Variants in PLA2G4A observed in about 807,000 individuals in gnomAD.
PLA2G4A encodes phospholipase A2 group IVA, also known as cytosolic phospholipase A2.
Under a neutral mutation model 81.9 loss-of-function variants are expected in PLA2G4A, and 40 were observed. The observed-to-expected ratio is 0.49, with a 90% CI of 0.38 to 0.64. The LOEUF is 0.64. Among genes scored for constraint, PLA2G4A ranks in the 30% least tolerant of loss-of-function variants. The probability of loss-of-function intolerance (pLI) is 0.00; values close to 1 mark genes in which losing one functional copy is unlikely to be tolerated. For missense variants in PLA2G4A, 715 were observed against 905.1 expected (o/e 0.79, Z 2.69); for synonymous variants, 302 against 296.9 (o/e 1.02, Z -0.18).
intron 7 of PLA2G4A, among the ~76,000 whole-genome samples, chr1:186,912,212 C>A (rs1654969314): frequency 6.6e-6 from 1 of 152,136 alleles, no homozygotes; most frequent in Admixed American, 6.5e-5. Context: ...TTAGTCTGGT[C>A]AGGCTAATAA....
At chr1:186,911,444 C>T in intron 7 of PLA2G4A, 55 bp downstream of exon 7, 1 of 1,285,016 alleles carries the variant, frequency 7.8e-7, no homozygotes, top group Non-Finnish European at 1.1e-6. Flanking sequence ...TTAGCTTGGA[C>T]AATTTCCCCA....
At chr1:186,893,223 T>C in intron 4 of PLA2G4A, 64 bp downstream of exon 4, 1 of 1,419,202 alleles carries the variant, frequency 7.0e-7, no homozygotes. Flanking sequence ...TGCTTGAGTT[T>C]GTCCTTTTAC....
intron 8 of PLA2G4A, among the ~76,000 whole-genome samples, chr1:186,936,468 C>T (rs567141637): frequency 2.2e-4 from 33 of 151,932 alleles, no homozygotes; most frequent in East Asian, 7.7e-4. Flanking sequence ...TAAGTGACTG[C>T]GTTTTATGGG....
chr1:186,938,243 C>T lies in PLA2G4A; in HGVS notation c.696-765C>T, dbSNP rs149754657. ...AAGTAAACGAGTAATTAATAGTCAG[C>T]ATGAGATCTACCATACTAGAGGTAT... On this transcript the variant is annotated intron_variant, in intron 8 of 17. Transcript: ENST00000367466. Among the ~76,000 whole-genome samples the T allele has an allele frequency of 1.6e-4, 24 of 151,968 alleles. No individual in the cohort carries two copies. The East Asian group carries it at 4.5e-3, about 28-fold the overall frequency.
At chr1:186,940,910 C>G (rs1479587585) in intron 10 of PLA2G4A, among the ~76,000 whole-genome samples, 1 of 152,016 alleles carries the variant, frequency 6.6e-6, no homozygotes, top group Non-Finnish European at 1.5e-5. Flanking sequence ...GGTTGATGAA[C>G]CAATGCCTCA....
intron 4 of PLA2G4A, among the ~76,000 whole-genome samples, chr1:186,893,726 C>T (rs992316968): frequency 1.3e-5 from 2 of 152,012 alleles, no homozygotes; most frequent in Non-Finnish European, 2.9e-5. Flanking sequence ...GAGCTCGAGA[C>T]CAGCCTGGCC....
At chr1:186,919,317 A>T (rs1655260493) in intron 7 of PLA2G4A, among the ~76,000 whole-genome samples, 1 of 152,178 alleles carries the variant, frequency 6.6e-6, no homozygotes, top group Non-Finnish European at 1.5e-5. Flanking sequence ...TAGGCTACAG[A>T]TGACCTGCTT....
At chr1:186,902,887 AAAAAAAG>A (rs1450776720) in intron 5 of PLA2G4A, among the ~76,000 whole-genome samples, 76 of 151,870 alleles carry the variant, frequency 5.0e-4, no homozygotes, top group Admixed American at 2.2e-3. Flanking sequence ...CTCAAAAAAA[AAAAAAAG>A]AAAAAAGAAA....
rs892336472 is a variant in PLA2G4A at position 186,870,463 on chromosome 1, C to A, written c.62C>A (p.Thr21Lys). 1 of 1,609,192 alleles carries A rather than the reference C, an allele frequency of 6.2e-7. No individual in the cohort carries two copies. The highest frequency in any genetic ancestry group is 1.3e-5 in the African/African-American group (1 of 74,814). ...GAGCACCAGTATTCCCACAAGTTTA[C>A]GGTAGTGGTGTTACGTGCCACCAAA... ...IVEHQYSHKF[T>K]VVVLRATKVT... Residue 21 changes from threonine to lysine, a missense_variant, in exon 3 of 18, where the codon ACG (threonine) becomes AAG (lysine). Transcript: ENST00000367466.
At chr1:186,887,770 A>G (rs1400247961) in intron 3 of PLA2G4A, among the ~76,000 whole-genome samples, 1 of 152,180 alleles carries the variant, frequency 6.6e-6, no homozygotes. Context: ...TCTCTAAAGT[A>G]TTGGGCTGTG....
chr1:186,853,716 A>G (rs1652456754), intron 1 of PLA2G4A, among the ~76,000 whole-genome samples: 1 of 151,878 alleles, frequency 6.6e-6, no homozygotes, highest in African/African-American at 2.4e-5. Flanking sequence ...AAAGGAAAGT[A>G]TAGAGAGTAT....
intron 2 of PLA2G4A, among the ~76,000 whole-genome samples, chr1:186,867,211 T>C (rs1280895590): frequency 6.6e-6 from 1 of 152,156 alleles, no homozygotes; most frequent in Non-Finnish European, 1.5e-5. Flanking sequence ...TTCATATGAA[T>C]TTTAGAATCA....
chr1:186,985,265 C>T (rs1255480202), intron 17 of PLA2G4A, among the ~76,000 whole-genome samples: 3 of 152,234 alleles, frequency 2.0e-5, no homozygotes, highest in African/African-American at 7.2e-5. Context: ...CTGAATGCTG[C>T]CCTGTGTCAA....
Position 186,941,730 on chromosome 1 carries a change from C to T in PLA2G4A, c.1033+1636C>T, listed in dbSNP as rs574103914. Among the ~76,000 whole-genome samples the T allele has an allele frequency of 5.9e-4, 90 of 152,210 alleles. 1 individual carries two copies. The highest frequency in any genetic ancestry group is 2.1e-3 in the African/African-American group (88 of 41,538). ...GGCGCTAAGGATGAATTCCTCTTTC[C>T]TCACCACAATATATTGTCCCTACCC... is the stretch of plus-strand genomic sequence containing the variant. On this transcript the variant is annotated intron_variant, in intron 10 of 17. Coordinates refer to ENST00000367466, the MANE Select transcript of PLA2G4A (RefSeq NM_024420.3).
intron 5 of PLA2G4A, among the ~76,000 whole-genome samples, chr1:186,895,794 T>G (rs189140492): frequency 1.6e-4 from 24 of 152,342 alleles, no homozygotes; most frequent in African/African-American, 5.5e-4. Context: ...GTTAACACTT[T>G]GGCATTGAAA....
chr1:186,939,996 T>C lies in PLA2G4A; in HGVS notation c.935T>C (p.Leu312Pro). Residue 312 changes from leucine to proline, a missense_variant, in exon 10 of 18, where the codon CTG becomes CCG. Transcript: ENST00000367466. ...TGTGGACAGAGAATGAATACTACTC[T>C]GAGCAGTTTGAAGGAAAAAGTTAAT... ...TLIHNRMNTT[L>P]SSLKEKVNTA... 1.3e-6 allele frequency: 2 copies of C among 1,546,490 alleles called. No individual in the cohort carries two copies. The highest frequency in any genetic ancestry group is 1.1e-5 in the South Asian group (1 of 89,752).
chr1:186,952,616 C>T (rs1656599154), intron 13 of PLA2G4A, among the ~76,000 whole-genome samples: 2 of 152,146 alleles, frequency 1.3e-5, no homozygotes, highest in Non-Finnish European at 2.9e-5. Flanking sequence ...AGTGTATATT[C>T]TATGGGTTTT....
Position 186,956,092 on chromosome 1 carries a change from T to A in PLA2G4A, c.1337-10T>A, listed in dbSNP as rs1379293625. ...TGGAGTCTGTATGGTGACCTTTTAT[T>A]TTTCCCTAGGCACTGAAAATGAAGA... On this transcript the variant is annotated splice_polypyrimidine_tract_variant and intron_variant, in intron 13 of 17. Transcript: ENST00000367466. The A allele has an allele frequency of 6.2e-7, 1 of 1,612,498 alleles. No homozygotes were observed. Among genetic ancestry groups the A allele is most frequent in the African/African-American group, 1.3e-5 (1 of 74,862 alleles).
chr1:186,893,017 C>T lies in PLA2G4A; in HGVS notation c.122C>T (p.Thr41Ile). The T allele has an allele frequency of 1.9e-6, 3 of 1,607,954 alleles. No homozygotes were observed. Among genetic ancestry groups the T allele is most frequent in the Non-Finnish European group, 2.6e-6 (3 of 1,174,442 alleles). The change falls in exon 4 of 18, where the codon ACT (threonine) becomes ATT (isoleucine). Residue 41 changes from threonine (T) to isoleucine (I), a missense_variant. Coordinates refer to ENST00000367466, the MANE Select transcript of PLA2G4A (RefSeq NM_024420.3). Reference protein sequence around the residue: ...TKGAFGDMLDTPDPYVELFIS... With the variant: ...TKGAFGDMLDIPDPYVELFIS... ...TTGTGTTTACTATCTGTAGTTGATACTCCAGATCCCTATGTGGAACTTTTT... is the reference window on the plus strand; with the variant it reads ...TTGTGTTTACTATCTGTAGTTGATATTCCAGATCCCTATGTGGAACTTTTT...
Sources: gnomAD v4.1 joint callset for allele counts (sites outside exome capture counted in the v4.1 genomes callset) on GRCh38, gnomAD v4.1.1 for gene constraint, MANE v1.5 for transcripts, NCBI Gene and HGNC (gene_info 2026-07-23, HGNC 2026-07-21) for gene names.